The following ROBO2 variants were observed in gnomAD, a reference collection of about 807,000 sequenced individuals.
The protein encoded by ROBO2 is roundabout homolog 2.
ROBO2 carries 53 observed loss-of-function variants against 160.8 expected under a neutral mutation model. The ratio of observed to expected loss-of-function variants is 0.33; its 90% CI spans 0.26 to 0.41. The LOEUF (loss-of-function observed/expected upper bound fraction) is 0.41. Ranked by LOEUF, ROBO2 falls within the 10% of genes least tolerant of loss-of-function variation. ROBO2 has a pLI of 1.00. For synonymous variants in ROBO2, 664 were observed against 611.7 expected (o/e 1.09, Z -1.26); for missense variants, 1,577 against 1,722.4 (o/e 0.92, Z 1.49).
At chr3:76,299,114 A>G (rs1317643898) in intron 2 of ROBO2, among the ~76,000 whole-genome samples, 4 of 152,256 alleles carry the variant, frequency 2.6e-5, no homozygotes, top group African/African-American at 4.8e-5. Flanking sequence ...CCTGTTTGCA[A>G]GGAGCTCACA....
chr3:77,333,121 G>A (rs1331760476), intron 2 of ROBO2, among the ~76,000 whole-genome samples: 2 of 152,180 alleles, frequency 1.3e-5, no homozygotes, highest in African/African-American at 2.4e-5. Context: ...CAATGCATAT[G>A]ATTATGGTTA....
chr3:77,152,478 C>T (rs1409154732), intron 2 of ROBO2, among the ~76,000 whole-genome samples: 1 of 152,184 alleles, frequency 6.6e-6, no homozygotes, highest in Non-Finnish European at 1.5e-5. Flanking sequence ...TGGTGATCAA[C>T]AGCCACCGCT....
intron 2 of ROBO2, among the ~76,000 whole-genome samples, chr3:76,916,103 G>T (rs1237096297): frequency 6.6e-6 from 1 of 152,176 alleles, no homozygotes; most frequent in African/African-American, 2.4e-5. Flanking sequence ...TGGGGGCTGG[G>T]GGGACGCAGT....
intron 2 of ROBO2, among the ~76,000 whole-genome samples, chr3:76,148,651 A>G (rs2072014973): frequency 6.6e-6 from 1 of 152,058 alleles, no homozygotes; most frequent in Non-Finnish European, 1.5e-5. Flanking sequence ...TTTGATTCTC[A>G]GCCTGTATTT....
intron 2 of ROBO2, among the ~76,000 whole-genome samples, chr3:76,534,684 G>A (rs1245232632): frequency 2.6e-5 from 4 of 152,214 alleles, no homozygotes; most frequent in Admixed American, 6.5e-5. Flanking sequence ...AACTGGCCCC[G>A]TATATGTGTA....
At chr3:76,080,945 A>T (rs2068807952) in intron 2 of ROBO2, among the ~76,000 whole-genome samples, 1 of 152,118 alleles carries the variant, frequency 6.6e-6, no homozygotes, top group African/African-American at 2.4e-5. Context: ...TCCTTTATAA[A>T]AATATTCTCT....
intron 9 of ROBO2, among the ~76,000 whole-genome samples, chr3:77,561,354 G>A (rs956138697): frequency 1.3e-5 from 2 of 152,106 alleles, no homozygotes; most frequent in African/African-American, 4.8e-5. Context: ...TTGGTCATCA[G>A]TTTCTCTTCC....
At position 76,859,040 on chromosome 3, in the gene ROBO2, T is replaced by C. The variant is rs184088634; in HGVS notation, c.110-238974T>C. 4.6e-5 allele frequency among the ~76,000 whole-genome samples: 7 copies of C among 152,320 alleles called. 1 individual carries two copies. Among genetic ancestry groups the C allele is most frequent in the African/African-American group, 1.4e-4 (6 of 41,576 alleles). On this transcript the variant is annotated intron_variant, in intron 2 of 26. Coordinates refer to the ROBO2 transcript ENST00000487694. Reference sequence around the variant, plus strand: ...AAAGTAAAGAAAATCTGTAAGTACTTAAATATAAGAGTCCACCCTGTAAAT... The same window carrying C: ...AAAGTAAAGAAAATCTGTAAGTACTCAAATATAAGAGTCCACCCTGTAAAT...
intron 2 of ROBO2, among the ~76,000 whole-genome samples, chr3:76,422,985 G>C (rs2108942337): frequency 6.6e-6 from 1 of 152,256 alleles, no homozygotes; most frequent in Non-Finnish European, 1.5e-5. Flanking sequence ...GATACCTAAA[G>C]ATGTAGGCGG....
chr3:76,315,395 C>A (rs900561480), intron 2 of ROBO2, among the ~76,000 whole-genome samples: 7 of 152,168 alleles, frequency 4.6e-5, no homozygotes, highest in African/African-American at 1.4e-4. Flanking sequence ...GCCTCTCTGG[C>A]AGTTATCTTC....
At chr3:76,411,991 G>A (rs1000709012) in intron 2 of ROBO2, among the ~76,000 whole-genome samples, 1 of 152,090 alleles carries the variant, frequency 6.6e-6, no homozygotes, top group Non-Finnish European at 1.5e-5. Context: ...TGCTGATGAA[G>A]ACATACCTGA....
chr3:76,759,386 T>A (rs1352134176), intron 2 of ROBO2, among the ~76,000 whole-genome samples: 2 of 151,824 alleles, frequency 1.3e-5, no homozygotes, highest in African/African-American at 2.4e-5. Flanking sequence ...AATTTCAGTG[T>A]GTTCTTCCTT....
At chr3:76,469,899 T>C (rs917769994) in intron 2 of ROBO2, among the ~76,000 whole-genome samples, 25 of 152,128 alleles carry the variant, frequency 1.6e-4, no homozygotes, top group African/African-American at 5.1e-4. Context: ...TTTGCTTACC[T>C]TTCTCACAGA....
intron 2 of ROBO2, among the ~76,000 whole-genome samples, chr3:77,242,792 C>T (rs1439922435): frequency 6.6e-6 from 1 of 150,976 alleles, no homozygotes; most frequent in African/African-American, 2.4e-5. Flanking sequence ...AGTCTACTTC[C>T]TTCTTTTCCA....
intron 2 of ROBO2, among the ~76,000 whole-genome samples, chr3:76,348,661 C>T (rs763788352): frequency 2.0e-5 from 3 of 152,114 alleles, no homozygotes; most frequent in Non-Finnish European, 4.4e-5. Flanking sequence ...CATCCCACAT[C>T]GAGGTACAAC....
intron 2 of ROBO2, among the ~76,000 whole-genome samples, chr3:76,998,317 A>C (rs909263918): frequency 1.3e-5 from 2 of 152,158 alleles, no homozygotes; most frequent in African/African-American, 4.8e-5. Context: ...AAAAGAAAAT[A>C]AAAGCTAGAT....
rs537805941 is a variant in ROBO2 at position 77,598,916 on chromosome 3, C to T, written c.2854+2166C>T. Among the ~76,000 whole-genome samples the T allele has an allele frequency of 5.3e-5, 8 of 152,222 alleles. No individual in the cohort carries two copies. The East Asian group carries it at 1.5e-3, about 29-fold the overall frequency. On this transcript the variant is annotated intron_variant, in intron 19 of 25. Transcript: ENST00000461745. ...ATTTTTATTGAAATAATATGACATG[C>T]TATTGTTACATGAAAAAGTGAATGC...
At chr3:76,382,809 T>A (rs972485467) in intron 2 of ROBO2, among the ~76,000 whole-genome samples, 6 of 152,152 alleles carry the variant, frequency 3.9e-5, no homozygotes, top group Non-Finnish European at 7.3e-5. Flanking sequence ...TAACTGTAGA[T>A]GTTACATGAC....
At position 76,988,752 on chromosome 3, in the gene ROBO2, G is replaced by A. The variant is rs151134529; in HGVS notation, c.110-109262G>A. On this transcript the variant is annotated intron_variant, in intron 2 of 26. Coordinates refer to the ROBO2 transcript ENST00000487694. ...TCTGATCCTTTGCTCTGAAAACAAAGCCTAAAACAACTTCCTTTCTGAACT... is the reference window on the plus strand; with the variant it reads ...TCTGATCCTTTGCTCTGAAAACAAAACCTAAAACAACTTCCTTTCTGAACT... Among the ~76,000 whole-genome samples, 765 of 152,134 alleles carry A rather than the reference G, an allele frequency of 5.0e-3. 9 individuals are homozygous for A. The highest frequency in any genetic ancestry group is 0.018 in the African/African-American group (729 of 41,514).
Sources: gnomAD v4.1 joint callset for allele counts (sites outside exome capture counted in the v4.1 genomes callset) on GRCh38, gnomAD v4.1.1 for gene constraint, MANE v1.5 for transcripts, NCBI Gene and HGNC (gene_info 2026-07-23, HGNC 2026-07-21) for gene names.